The following UGT1A6 variants were observed in gnomAD, a reference collection of about 807,000 sequenced individuals.
UGT1A6 encodes the protein UDP-glucuronosyltransferase 1A6.
In UGT1A6, 32 loss-of-function variants were observed where a neutral mutation model predicts 44.4. The ratio of observed to expected loss-of-function variants is 0.72; its 90% CI spans 0.54 to 0.97. The LOEUF (loss-of-function observed/expected upper bound fraction) is 0.97, where lower values mean the gene tolerates loss of function less well. UGT1A6 is among the 50% of genes least tolerant of loss of function. UGT1A6 has a pLI of 0.00. For synonymous variants in UGT1A6, 238 were observed against 248.5 expected, an observed-to-expected ratio of 0.96 and a Z score of 0.40; for missense variants, 685 against 661.9, an observed-to-expected ratio of 1.03 and a Z score of -0.38.
intron 1 of UGT1A6, among the ~76,000 whole-genome samples, chr2:233,740,072 C>T (rs1243642883): frequency 1.3e-5 from 2 of 151,828 alleles, no homozygotes; most frequent in Admixed American, 1.3e-4. Flanking sequence ...CTTTTCCTCT[C>T]TGTCTCTCGC....
chr2:233,744,576 G>A (rs371492922), intron 1 of UGT1A6, among the ~76,000 whole-genome samples: 6 of 151,982 alleles, frequency 3.9e-5, no homozygotes, highest in South Asian at 4.2e-4. Flanking sequence ...GAGTGGCATC[G>A]TTTTACAGTT....
At chr2:233,751,081 C>A (rs1306990263) in intron 1 of UGT1A6, among the ~76,000 whole-genome samples, 1 of 151,926 alleles carries the variant, frequency 6.6e-6, no homozygotes, top group African/African-American at 2.4e-5. Context: ...CCTCTGAAGG[C>A]AGCCAGGAGG....
At chr2:233,699,090 T>C (rs2075483831) in intron 1 of UGT1A6, among the ~76,000 whole-genome samples, 1 of 152,200 alleles carries the variant, frequency 6.6e-6, no homozygotes, top group Non-Finnish European at 1.5e-5. Context: ...TCTAGCCCTG[T>C]GCACCTCATC....
At chr2:233,771,020 A>T (rs1052274200) in intron 4 of UGT1A6, 14 of 152,140 alleles carry the variant, frequency 9.2e-5, no homozygotes, top group Non-Finnish European at 2.1e-4. Flanking sequence ...GGAGCGAGAG[A>T]GAGTTGGGGG....
upstream of UGT1A6, chr2:233,692,086 G>A (rs1010859052): frequency 1.3e-5 from 2 of 152,196 alleles, no homozygotes; most frequent in Admixed American, 6.5e-5. Flanking sequence ...ATTGAAGATT[G>A]ATTTGATCAC....
At chr2:233,759,581 G>A (rs1697180205) in intron 1 of UGT1A6, among the ~76,000 whole-genome samples, 2 of 151,312 alleles carry the variant, frequency 1.3e-5, no homozygotes, top group Admixed American at 6.6e-5. Context: ...CTCTACCCCA[G>A]CACGCCCCCC....
chr2:233,707,308 T>A (rs1362623312), intron 1 of UGT1A6, among the ~76,000 whole-genome samples: 2 of 152,304 alleles, frequency 1.3e-5, no homozygotes, highest in Non-Finnish European at 2.9e-5. Flanking sequence ...GCAGGTTTGT[T>A]ACATAGCTAA....
chr2:233,715,564 G>T (rs1223730449), intron 1 of UGT1A6, among the ~76,000 whole-genome samples: 1 of 152,032 alleles, frequency 6.6e-6, no homozygotes, highest in African/African-American at 2.4e-5. Context: ...TTGAGCCCAG[G>T]AGTCTGAGAG....
intron 4 of UGT1A6, 78 bp from the exon 5 acceptor site, chr2:233,772,184 T>C (rs1700476163): frequency 6.3e-7 from 1 of 1,591,636 alleles, no homozygotes; most frequent in East Asian, 2.3e-5. Context: ...GTAGTCTTCT[T>C]AAGCAGCCAT....
intron 1 of UGT1A6, chr2:233,713,988 T>C (rs1034090068): frequency 1.1e-5 from 18 of 1,575,780 alleles, no homozygotes; most frequent in Non-Finnish European, 1.5e-5. Flanking sequence ...ATTGTTGTAA[T>C]AGTCTTCAGT....
At chr2:233,721,697 G>A (rs1469805668) in intron 1 of UGT1A6, 9 of 355,958 alleles carry the variant, frequency 2.5e-5, no homozygotes, top group Admixed American at 6.5e-5. Flanking sequence ...CAAGACGCAT[G>A]GCTCATCTTG....
At chr2:233,766,826 T>G (rs1699252557) in intron 1 of UGT1A6, among the ~76,000 whole-genome samples, 1 of 152,230 alleles carries the variant, frequency 6.6e-6, no homozygotes, top group Non-Finnish European at 1.5e-5. Context: ...AGGATAATTC[T>G]GTAAGCAGGA....
chr2:233,728,928 C>T (rs545859432), intron 1 of UGT1A6, among the ~76,000 whole-genome samples: 7 of 152,102 alleles, frequency 4.6e-5, no homozygotes, highest in African/African-American at 7.2e-5. Context: ...TAGTCATGAT[C>T]GGTCTTTTCC....
chr2:233,713,333 G>A, intron 1 of UGT1A6: 3 of 1,614,196 alleles, frequency 1.9e-6, no homozygotes, highest in Non-Finnish European at 1.7e-6. Flanking sequence ...CTAGAAGAAT[G>A]GCAATTATGA....
intron 1 of UGT1A6, among the ~76,000 whole-genome samples, chr2:233,756,874 G>A (rs1221596581): frequency 3.9e-5 from 6 of 152,098 alleles, no homozygotes; most frequent in Non-Finnish European, 7.3e-5. Context: ...GGTATTAGGT[G>A]TAATGAGGAT....
At chr2:233,738,852 A>G (rs1448497943) in intron 1 of UGT1A6, 2 of 152,248 alleles carry the variant, frequency 1.3e-5, no homozygotes, top group Admixed American at 1.3e-4. Flanking sequence ...AATCACCAAG[A>G]CAATGGGGAA....
At chr2:233,746,562 C>A (rs1365442579) in intron 1 of UGT1A6, among the ~76,000 whole-genome samples, 1 of 151,750 alleles carries the variant, frequency 6.6e-6, no homozygotes. Context: ...GCCCCTAGAG[C>A]ACCACACCCT....
chr2:233,748,318 C>T (rs1693914102), intron 1 of UGT1A6, among the ~76,000 whole-genome samples: 1 of 151,718 alleles, frequency 6.6e-6, no homozygotes, highest in African/African-American at 2.4e-5. Context: ...TGGACTAGGA[C>T]TGATGTGACT....
chr2:233,756,338 C>G (rs1225810729), intron 1 of UGT1A6: 2 of 152,178 alleles, frequency 1.3e-5, no homozygotes, highest in Non-Finnish European at 2.9e-5. Flanking sequence ...CTAGTCATCT[C>G]TTGATTACTT....
Sources: gnomAD v4.1 joint callset for allele counts (sites outside exome capture counted in the v4.1 genomes callset) on GRCh38, gnomAD v4.1.1 for gene constraint, MANE v1.5 for transcripts, NCBI Gene and HGNC (gene_info 2026-07-23, HGNC 2026-07-21) for gene names.